SDK1: variants seen among roughly 807,000 people sequenced by gnomAD.
SDK1 encodes sidekick cell adhesion molecule 1.
In SDK1, 157 loss-of-function variants were observed where a neutral mutation model predicts 245.5. The ratio of observed to expected loss-of-function variants is 0.64; its 90% confidence interval spans 0.56 to 0.73. SDK1 has a LOEUF of 0.73. SDK1 is among the 30% of genes least tolerant of loss of function. SDK1 has a pLI of 0.00. For missense variants in SDK1, 3,583 were observed against 3,002.3 expected (o/e 1.19, Z -4.52); for synonymous variants, 1,647 against 1,278.5 (o/e 1.29, Z -6.15).
intron 28 of SDK1, among the ~76,000 whole-genome samples, chr7:4,143,645 T>C (rs1379750298): frequency 6.6e-6 from 1 of 152,178 alleles, no homozygotes; most frequent in Non-Finnish European, 1.5e-5. Context: ...TTGGAGAGGA[T>C]GCTTCTGCGC....
chr7:4,206,090 G>A, intron 36 of SDK1, 96 bp downstream of exon 36: 2 of 801,096 alleles, frequency 2.5e-6, no homozygotes, highest in South Asian at 1.8e-5. Flanking sequence ...AGACCCCGCA[G>A]GCGCTCCACC....
At chr7:4,200,344 A>G (rs552916358) in intron 35 of SDK1, among the ~76,000 whole-genome samples, 1 of 152,366 alleles carries the variant, frequency 6.6e-6, no homozygotes, top group East Asian at 1.9e-4. Flanking sequence ...AGCTGGAGCT[A>G]CAGCTGGGAT....
intron 35 of SDK1, among the ~76,000 whole-genome samples, chr7:4,199,573 C>T (rs2128225362): frequency 6.6e-6 from 1 of 152,298 alleles, no homozygotes; most frequent in Middle Eastern, 3.4e-3. Context: ...TGGCCTCATC[C>T]TCCTTTTCCT....
chr7:3,486,136 T>C (rs1781687376), intron 1 of SDK1, among the ~76,000 whole-genome samples: 1 of 152,082 alleles, frequency 6.6e-6, no homozygotes, highest in African/African-American at 2.4e-5. Context: ...TCTATGGTTA[T>C]TTGGTCTTTT....
At chr7:4,224,140 A>G (rs1348589428) in intron 40 of SDK1, among the ~76,000 whole-genome samples, 3 of 152,238 alleles carry the variant, frequency 2.0e-5, no homozygotes, top group African/African-American at 7.2e-5. Context: ...AGGTGCCTCC[A>G]GGTGATCGTA....
intron 35 of SDK1, among the ~76,000 whole-genome samples, chr7:4,198,499 C>G (rs1421345099): frequency 6.6e-6 from 1 of 152,232 alleles, no homozygotes; most frequent in East Asian, 1.9e-4. Flanking sequence ...GCAAACAGCT[C>G]AGCGGCCAAG....
At chr7:3,489,778 C>G (rs1781811642) in intron 1 of SDK1, among the ~76,000 whole-genome samples, 1 of 152,098 alleles carries the variant, frequency 6.6e-6, no homozygotes, top group African/African-American at 2.4e-5. Flanking sequence ...TGAGATGGTC[C>G]TATTAAAATT....
intron 1 of SDK1, among the ~76,000 whole-genome samples, chr7:3,504,182 A>ATGTATGTGTGTGTGTGTGTG (rs1782312875): frequency 7.6e-6 from 1 of 131,886 alleles, no homozygotes. Flanking sequence ...ATATATATAT[A>ATGTATGTGTGTGTGTGTGTG]TGTGTGTGTG....
At chr7:3,461,030 G>T (rs568911884) in intron 1 of SDK1, among the ~76,000 whole-genome samples, 13 of 152,274 alleles carry the variant, frequency 8.5e-5, no homozygotes, top group African/African-American at 3.1e-4. Context: ...AATATATACA[G>T]ATTTAACGGG....
intron 5 of SDK1, among the ~76,000 whole-genome samples, chr7:3,831,968 T>C (rs1779923016): frequency 6.6e-6 from 1 of 152,048 alleles, no homozygotes; most frequent in Admixed American, 6.5e-5. Context: ...GGAGGATCAC[T>C]TGAGCCAGGG....
rs1787337800 is a variant in SDK1 at position 4,026,243 on chromosome 7, G to T, written c.2602+8891G>T. The stretch of plus-strand genomic sequence containing the variant: ...GCGGAGAATGCAGAGACAGGGCATG[G>T]GAAGTGGGGGTCGGGAGAGGAAGAG... On this transcript the variant is annotated intron_variant, in intron 17 of 44. Transcript: ENST00000404826. The surrounding 1 kb of genome is among the most constrained non-coding windows in gnomAD (Gnocchi z 4.1). 2.6e-5 allele frequency among the ~76,000 whole-genome samples: 4 copies of T among 152,226 alleles called. No homozygotes were observed. In the South Asian group the frequency reaches 8.3e-4, roughly 31 times the overall value.
intron 4 of SDK1, among the ~76,000 whole-genome samples, chr7:3,661,408 G>A (rs1041364658): frequency 8.5e-5 from 13 of 152,156 alleles, no homozygotes; most frequent in East Asian, 1.9e-4. Flanking sequence ...ACAACCTGCC[G>A]TTGGCTTATC....
chr7:3,555,150 C>T (rs1362741195), intron 1 of SDK1, among the ~76,000 whole-genome samples: 1 of 152,042 alleles, frequency 6.6e-6, no homozygotes, highest in East Asian at 1.9e-4. Flanking sequence ...AAGAACATAA[C>T]TTGAGGAGTC....
In SDK1 at chr7:3,688,870, G is replaced by C. The variant is rs114280167; in HGVS notation, c.713+46765G>C. On this transcript the variant is annotated intron_variant, in intron 4 of 44. Transcript: ENST00000404826. ...TCCTGTGTCCTCTGCCTTCCTTAGA[G>C]TTTGCCATTTTGTTCAGAACAGCAC... Among the ~76,000 whole-genome samples the C allele has an allele frequency of 4.1e-3, 631 of 152,198 alleles. 1 individual carries two copies. Among genetic ancestry groups the C allele is most frequent in the African/African-American group, 0.014 (576 of 41,518 alleles).
At chr7:4,074,628 C>T (rs1378920359) in intron 20 of SDK1, among the ~76,000 whole-genome samples, 1 of 151,722 alleles carries the variant, frequency 6.6e-6, no homozygotes, top group Non-Finnish European at 1.5e-5. Context: ...TGGGAGGCCA[C>T]GGTGGGAGGA....
At chr7:3,912,866 A>G (rs1779224978) in intron 5 of SDK1, among the ~76,000 whole-genome samples, 1 of 151,812 alleles carries the variant, frequency 6.6e-6, no homozygotes, top group Non-Finnish European at 1.5e-5. Flanking sequence ...CTAGTCCTTA[A>G]CCAAAAAAAA....
chr7:3,750,631 G>C (rs1382054782), intron 4 of SDK1, among the ~76,000 whole-genome samples: 1 of 152,328 alleles, frequency 6.6e-6, no homozygotes, highest in East Asian at 1.9e-4. Flanking sequence ...AAATGAGCAA[G>C]AGGAAGCATC....
chr7:3,881,213 G>T (rs1781200904), intron 5 of SDK1, among the ~76,000 whole-genome samples: 1 of 152,046 alleles, frequency 6.6e-6, no homozygotes, highest in African/African-American at 2.4e-5. Flanking sequence ...TAGGTATTAA[G>T]CCCAGCATGC....
intron 1 of SDK1, among the ~76,000 whole-genome samples, chr7:3,430,161 A>G (rs1260591191): frequency 6.6e-6 from 1 of 152,172 alleles, no homozygotes; most frequent in African/African-American, 2.4e-5. Context: ...ATCTGCCTTC[A>G]TCTCCGCATG....
Sources: gnomAD v4.1 joint callset for allele counts (sites outside exome capture counted in the v4.1 genomes callset) on GRCh38, gnomAD v4.1.1 for gene constraint, Gnocchi (gnomAD v3.1) non-coding constraint, MANE v1.5 for transcripts, NCBI Gene and HGNC (gene_info 2026-07-23, HGNC 2026-07-21) for gene names.